TXNDC12: variants seen among roughly 807,000 people sequenced by gnomAD.
TXNDC12 encodes the protein thioredoxin domain containing 12, also known as thioredoxin domain-containing protein 12.
Under a neutral mutation model 24.2 loss-of-function variants are expected in TXNDC12, and 22 were observed. That is an observed-to-expected ratio of 0.91 (90% CI 0.65 to 1.30). The LOEUF (loss-of-function observed/expected upper bound fraction) is 1.30. Ranked by LOEUF, TXNDC12 falls within the 50% of genes most tolerant of loss-of-function variation. The pLI is 0.00. For missense variants in TXNDC12, 184 were observed against 205.8 expected (o/e 0.89, Z 0.65); for synonymous variants, 58 against 73.4 (o/e 0.79, Z 1.07).
At chr1:52,023,142 C>T in intron 6 of TXNDC12, 1 of 214,694 alleles carries the variant, frequency 4.7e-6, no homozygotes, top group South Asian at 7.8e-5. Flanking sequence ...TATTCCTCTT[C>T]CACTGAATTT....
intron 4 of TXNDC12, among the ~76,000 whole-genome samples, chr1:52,025,825 T>TC (rs1352261726): frequency 4.3e-4 from 64 of 148,732 alleles, no homozygotes; most frequent in Non-Finnish European, 7.2e-4. Flanking sequence ...AACATTATCT[T>TC]TTTTTTTTTT....
rs1466913204 is a variant in TXNDC12 at position 52,029,901 on chromosome 1, T to A, written c.159-1271A>T. Among the ~76,000 whole-genome samples the A allele has an allele frequency of 2.0e-5, 3 of 152,212 alleles. No individual in the cohort carries two copies. The East Asian group carries it at 5.8e-4, about 29-fold the overall frequency. On this transcript the variant is annotated intron_variant, in intron 2 of 6. Coordinates refer to ENST00000371626, the MANE Select transcript of TXNDC12 (RefSeq NM_015913.4). ...GGGCAAGTTTAGGTGGGTAGTAGGA[T>A]ATAGGTAACCATAATAGCCAAAATG... is the stretch of plus-strand genomic sequence containing the variant.
chr1:52,027,841 T>C (rs1685695790), intron 3 of TXNDC12, among the ~76,000 whole-genome samples: 1 of 151,256 alleles, frequency 6.6e-6, no homozygotes, highest in South Asian at 2.1e-4. Flanking sequence ...CTATTATTAT[T>C]ATTATTTTTG....
intron 1 of TXNDC12, among the ~76,000 whole-genome samples, chr1:52,049,254 C>G (rs1686154676): frequency 6.6e-6 from 1 of 152,168 alleles, no homozygotes; most frequent in South Asian, 2.1e-4. Flanking sequence ...TACCCCAGTA[C>G]TTCCCAAGCT....
intron 2 of TXNDC12, among the ~76,000 whole-genome samples, chr1:52,040,123 G>C (rs893303049): frequency 1.3e-5 from 2 of 151,970 alleles, no homozygotes; most frequent in African/African-American, 4.8e-5. Context: ...AGTAGAGACG[G>C]GGTTTTACCA....
chr1:52,041,447 C>G (rs905963262), intron 2 of TXNDC12, 90 bp downstream of exon 2: 4 of 806,646 alleles, frequency 5.0e-6, no homozygotes, highest in African/African-American at 3.5e-5. Flanking sequence ...CTTGCTCTGC[C>G]TTGGTATAGC....
intron 4 of TXNDC12, 77 bp from the exon 5 acceptor site, chr1:52,024,656 T>A: frequency 8.4e-7 from 1 of 1,190,288 alleles, no homozygotes; most frequent in Non-Finnish European, 1.2e-6. Context: ...CTTCCCCACT[T>A]GTCAGGGCAA....
At position 52,020,713 on chromosome 1, in the gene TXNDC12, G is replaced by A. The variant is rs916221621; in HGVS notation, c.*220C>T. ...TGACAAGTTGACATTTAGGTGAGAGGGAAAAGGAGAAGAAAGTCTGCCACT... is the reference window on the plus strand; with the variant it reads ...TGACAAGTTGACATTTAGGTGAGAGAGAAAAGGAGAAGAAAGTCTGCCACT... On this transcript the variant is annotated 3_prime_UTR_variant, in exon 7 of 7. Coordinates refer to ENST00000371626, the MANE Select transcript of TXNDC12 (RefSeq NM_015913.4). The A allele has an allele frequency of 6.0e-6, 3 of 498,816 alleles. No homozygotes were observed. The highest frequency in any genetic ancestry group is 7.1e-6 in the Non-Finnish European group (2 of 282,662). The allele number at this position is 498,816 out of a possible 1,614,324, so 30.9% of individuals were successfully genotyped here.
At chr1:52,033,268 C>T (rs1295022961) in intron 2 of TXNDC12, 1 of 1,613,824 alleles carries the variant, frequency 6.2e-7, no homozygotes, top group Non-Finnish European at 8.5e-7. Context: ...GGCCTGGGCA[C>T]TTCCATTTAC....
chr1:52,031,607 C>T (rs1302862349), intron 2 of TXNDC12, among the ~76,000 whole-genome samples: 1 of 152,180 alleles, frequency 6.6e-6, no homozygotes, highest in Non-Finnish European at 1.5e-5. Context: ...ATTCTCGTGC[C>T]TCAGCCTCCA....
chr1:52,026,165 C>T (rs1685669132), intron 4 of TXNDC12, among the ~76,000 whole-genome samples: 1 of 152,066 alleles, frequency 6.6e-6, no homozygotes, highest in Admixed American at 6.6e-5. Context: ...GTATGGCTAG[C>T]GGTATCATCA....
chr1:52,024,155 C>T (rs540840801), intron 5 of TXNDC12, among the ~76,000 whole-genome samples: 97 of 152,136 alleles, frequency 6.4e-4, no homozygotes, highest in African/African-American at 2.1e-3. Context: ...CCACCACACC[C>T]GGCTAATTTT....
intron 2 of TXNDC12, chr1:52,032,848 TCTGTGGTAC>T: frequency 6.2e-7 from 1 of 1,614,240 alleles, no homozygotes; most frequent in South Asian, 1.1e-5. Flanking sequence ...CCGCAAGTGC[TCTGTGGTAC>T]CAGGAAGCGT....
chr1:52,021,529 A>G lies in TXNDC12; in HGVS notation c.440-517T>C, dbSNP rs1685596638. Among the ~76,000 whole-genome samples the G allele has an allele frequency of 4.0e-5, 6 of 149,588 alleles. No individual in the cohort carries two copies. The South Asian group carries it at 1.3e-3, about 32-fold the overall frequency. ...AAGGGGGTCGTCATTTCCAGTATCA[A>G]CTATACATGGATGAAGCCAAGTTCT... On this transcript the variant is annotated intron_variant, in intron 6 of 6. Coordinates refer to ENST00000371626, the MANE Select transcript of TXNDC12 (RefSeq NM_015913.4).
intron 6 of TXNDC12, chr1:52,023,282 C>G: frequency 2.2e-6 from 1 of 450,044 alleles, no homozygotes; most frequent in Non-Finnish European, 4.0e-6. Context: ...CAGTTCTTCA[C>G]AGCTGCCTGT....
At chr1:52,034,097 T>C (rs561910244) in intron 2 of TXNDC12, 196 of 1,240,294 alleles carry the variant, frequency 1.6e-4, no homozygotes, top group Non-Finnish European at 1.9e-4. Context: ...ATATTTAGCA[T>C]ATAGAAGGCA....
chr1:52,033,581 C>A lies in TXNDC12; in HGVS notation c.159-4951G>T, dbSNP rs78835924. The A allele has an allele frequency of 2.4e-4, 382 of 1,613,624 alleles. 2 individuals carry two copies. In the African/African-American group the frequency reaches 4.6e-3, roughly 19 times the overall value. On this transcript the variant is annotated intron_variant, in intron 2 of 6. Coordinates refer to ENST00000371626, the MANE Select transcript of TXNDC12 (RefSeq NM_015913.4). The stretch of plus-strand genomic sequence containing the variant: ...CGCCGTTCCACGGAGGCTCGCAGAG[C>A]TCCACGCAATGCCTTCTCACGGGCA...
At chr1:52,022,510 C>CA (rs1351453668) in intron 6 of TXNDC12, among the ~76,000 whole-genome samples, 1 of 152,150 alleles carries the variant, frequency 6.6e-6, no homozygotes, top group East Asian at 1.9e-4. Flanking sequence ...GCAAGCCTTA[C>CA]AAACTCTATG....
Position 52,020,992 on chromosome 1 carries a change from C to T in TXNDC12, c.460G>A (p.Ala154Thr). 10 of 1,613,896 alleles carry T rather than the reference C, an allele frequency of 6.2e-6. No homozygotes were observed. The highest frequency in any genetic ancestry group is 8.5e-6 in the Non-Finnish European group (10 of 1,179,798). Reference protein sequence around the residue: ...AEQVVQGMKEAQERLTGDAFR... With the variant: ...AEQVVQGMKETQERLTGDAFR... ...GCATCACCCGTCAGCCTTTCCTGAG[C>T]TTCCTTCATCCCCTGAACAACTGTG... Residue 154 changes from alanine (A) to threonine (T), a missense_variant, in exon 7 of 7, where the codon GCT becomes ACT. Coordinates refer to ENST00000371626, the MANE Select transcript of TXNDC12 (RefSeq NM_015913.4).
Sources: allele counts gnomAD v4.1 joint callset (sites outside exome capture counted in the v4.1 genomes callset), GRCh38; gene constraint gnomAD v4.1.1; transcripts MANE v1.5; gene names NCBI Gene and HGNC (gene_info 2026-07-23, HGNC 2026-07-21).